The following DENND5B variants were observed in gnomAD, a reference collection of about 807,000 sequenced individuals.
The protein encoded by DENND5B is DENN domain-containing protein 5B.
DENND5B carries 34 observed loss-of-function variants against 140.6 expected under a neutral mutation model. The observed-to-expected ratio is 0.24, with a 90% CI of 0.18 to 0.32. The LOEUF is 0.32. Among genes scored for constraint, DENND5B ranks in the 10% least tolerant of loss-of-function variants. The pLI is 1.00. For synonymous variants in DENND5B, 551 were observed against 562.1 expected (o/e 0.98, Z 0.28); for missense variants, 1,142 against 1,560.2 (o/e 0.73, Z 4.52).
chr12:31,570,712 G>A (rs768817029), intron 1 of DENND5B, among the ~76,000 whole-genome samples: 26 of 151,884 alleles, frequency 1.7e-4, no homozygotes, highest in Non-Finnish European at 3.8e-4. Context: ...TAAATTGATA[G>A]GTTTAAAGAA....
intron 8 of DENND5B, among the ~76,000 whole-genome samples, chr12:31,427,521 G>A (rs1343361193): frequency 2.6e-5 from 4 of 151,606 alleles, no homozygotes; most frequent in African/African-American, 4.9e-5. Context: ...CAGAAGAATC[G>A]CTTGAACCTG....
In DENND5B at chr12:31,552,425, G is replaced by T. The variant is rs557235782; in HGVS notation, c.127+38281C>A. ...CAGGGATGAAGCCCACTTGATCATAGTGGATAAGCTTTTTGACGTGCTGCT... is the reference window on the plus strand; with the variant it reads ...CAGGGATGAAGCCCACTTGATCATATTGGATAAGCTTTTTGACGTGCTGCT... On this transcript the variant is annotated intron_variant, in intron 1 of 20. Transcript: ENST00000389082. Among the ~76,000 whole-genome samples, 10 of 152,312 alleles carry T rather than the reference G, an allele frequency of 6.6e-5. 1 individual carries two copies. The highest frequency in any genetic ancestry group is 5.2e-4 in the Admixed American group (8 of 15,286).
At chr12:31,451,531 G>T (rs1394522871) in intron 5 of DENND5B, among the ~76,000 whole-genome samples, 1 of 152,020 alleles carries the variant, frequency 6.6e-6, no homozygotes, top group Non-Finnish European at 1.5e-5. Flanking sequence ...CACCATATTG[G>T]CCAGGCTGGT....
At position 31,392,253 on chromosome 12, in the gene DENND5B, T is replaced by A. The variant is rs964899245; in HGVS notation, c.3466+14A>T. 1 of 1,613,230 alleles carries A rather than the reference T, an allele frequency of 6.2e-7. No homozygotes were observed. The highest frequency in any genetic ancestry group is 1.3e-5 in the African/African-American group (1 of 74,874). On this transcript the variant is annotated intron_variant, in intron 19 of 20. Coordinates refer to ENST00000389082, the MANE Select transcript of DENND5B (RefSeq NM_144973.4). ...TTCAGTGACCTTAATGTAATACACA[T>A]CTACTTTATTTACCTATGAAGTCCC...
At chr12:31,401,062 C>G (rs999508876) in intron 15 of DENND5B, among the ~76,000 whole-genome samples, 4 of 152,092 alleles carry the variant, frequency 2.6e-5, no homozygotes, top group African/African-American at 7.2e-5. Context: ...AGGCTGGCCT[C>G]AGACTCCCGA....
Position 31,590,992 on chromosome 12 carries a change from C to T in DENND5B, c.-160G>A, listed in dbSNP as rs1453477731. Reference sequence around the variant, plus strand: ...GCCTCTCGCCGCCGCAGCCTGCCTCCTCGCTCGGCGCGGGGGAAGCGGCCG... The same window carrying T: ...GCCTCTCGCCGCCGCAGCCTGCCTCTTCGCTCGGCGCGGGGGAAGCGGCCG... On this transcript the variant is annotated 5_prime_UTR_variant, in exon 1 of 21. Transcript: ENST00000389082. 2 of 821,930 alleles carry T rather than the reference C, an allele frequency of 2.4e-6. No individual in the cohort carries two copies. The highest frequency in any genetic ancestry group is 3.0e-6 in the Non-Finnish European group (2 of 670,938). The allele number at this position is 821,930 out of a possible 1,614,324, so 50.9% of individuals were successfully genotyped here.
intron 12 of DENND5B, 63 bp downstream of exon 12, chr12:31,415,304 T>G: frequency 7.5e-7 from 1 of 1,332,396 alleles, no homozygotes; most frequent in Non-Finnish European, 1.0e-6. Context: ...GCAATTTAGT[T>G]AAAAGCCACA....
chr12:31,483,947 C>G lies in DENND5B; in HGVS notation c.238-3692G>C, dbSNP rs936057955. Among the ~76,000 whole-genome samples the G allele has an allele frequency of 3.3e-5, 5 of 150,588 alleles. 1 individual carries two copies. Among genetic ancestry groups the G allele is most frequent in the African/African-American group, 1.2e-4 (5 of 40,934 alleles). ...TGGCGCAATCTTGGCTCACTGCAAC[C>G]TCCGCCTCCCAGGTTCAAGCCTCAG... On this transcript the variant is annotated intron_variant, in intron 2 of 20. Transcript: ENST00000389082.
Position 31,407,341 on chromosome 12 carries a change from G to A in DENND5B, c.2803+1922C>T, listed in dbSNP as rs181629465. On this transcript the variant is annotated intron_variant, in intron 14 of 20. Transcript: ENST00000389082. Reference sequence around the variant, plus strand: ...AGACGGGGTTTCACCATGTTGGTCAGGCTGGTCTCTAACCCCTGCCCTTGT... The same window carrying A: ...AGACGGGGTTTCACCATGTTGGTCAAGCTGGTCTCTAACCCCTGCCCTTGT... 3.3e-4 allele frequency among the ~76,000 whole-genome samples: 50 copies of A among 152,040 alleles called. 1 individual carries two copies. Among genetic ancestry groups the A allele is most frequent in the African/African-American group, 1.1e-3 (44 of 41,462 alleles).
intron 1 of DENND5B, among the ~76,000 whole-genome samples, chr12:31,552,203 T>G (rs1006069436): frequency 2.6e-5 from 4 of 152,170 alleles, no homozygotes; most frequent in East Asian, 1.9e-4. Flanking sequence ...CTGTGGGTTG[T>G]CATAGATAGC....
intron 4 of DENND5B, among the ~76,000 whole-genome samples, chr12:31,456,232 A>G (rs1052263393): frequency 3.3e-5 from 5 of 150,710 alleles, no homozygotes; most frequent in Non-Finnish European, 7.4e-5. Flanking sequence ...TGGGAAGTTG[A>G]GGCAAAAGAA....
At chr12:31,506,617 T>TA (rs1947213372) in intron 1 of DENND5B, among the ~76,000 whole-genome samples, 1 of 152,202 alleles carries the variant, frequency 6.6e-6, no homozygotes, top group Non-Finnish European at 1.5e-5. Context: ...CCAGGCTACC[T>TA]GCACTTCTAA....
chr12:31,501,220 G>C (rs962550876), intron 1 of DENND5B, among the ~76,000 whole-genome samples: 9 of 152,192 alleles, frequency 5.9e-5, no homozygotes, highest in Non-Finnish European at 1.3e-4. Context: ...CCTTGGGATA[G>C]TGAGTTCTCA....
chr12:31,439,523 T>A (rs1943929386), intron 7 of DENND5B, among the ~76,000 whole-genome samples: 1 of 152,190 alleles, frequency 6.6e-6, no homozygotes, highest in Admixed American at 6.5e-5. Context: ...AAGCAGAGAT[T>A]TTTGTTGTTT....
At chr12:31,476,442 G>A (rs1485603954) in intron 3 of DENND5B, among the ~76,000 whole-genome samples, 12 of 149,374 alleles carry the variant, frequency 8.0e-5, no homozygotes, top group Non-Finnish European at 1.3e-4. Flanking sequence ...TTTTATACAC[G>A]TTTTCTTATT....
intron 1 of DENND5B, among the ~76,000 whole-genome samples, chr12:31,580,792 G>C (rs1950186702): frequency 6.6e-6 from 1 of 151,652 alleles, no homozygotes; most frequent in Admixed American, 6.6e-5. Flanking sequence ...ACCGCGCCTG[G>C]TCCATTTTAG....
At chr12:31,518,153 T>A (rs1432669468) in intron 1 of DENND5B, among the ~76,000 whole-genome samples, 1 of 152,236 alleles carries the variant, frequency 6.6e-6, no homozygotes, top group Non-Finnish European at 1.5e-5. Context: ...ACACAGCTCA[T>A]CTTTCCTCCT....
At chr12:31,461,498 T>C (rs906587567) in intron 3 of DENND5B, among the ~76,000 whole-genome samples, 1 of 152,192 alleles carries the variant, frequency 6.6e-6, no homozygotes, top group Non-Finnish European at 1.5e-5. Flanking sequence ...ACAAGTCCGA[T>C]TTAAATGTTT....
intron 3 of DENND5B, chr12:31,477,586 A>G (rs1242598474): frequency 6.5e-6 from 1 of 154,668 alleles, no homozygotes; most frequent in African/African-American, 2.4e-5. Flanking sequence ...TCTCTCGTTT[A>G]CATAGATTGG....
Sources: allele counts gnomAD v4.1 joint callset (sites outside exome capture counted in the v4.1 genomes callset), GRCh38; gene constraint gnomAD v4.1.1; transcripts MANE v1.5; gene names NCBI Gene and HGNC (gene_info 2026-07-23, HGNC 2026-07-21).